The following ZFHX3 variants were observed in gnomAD, a reference collection of about 807,000 sequenced individuals.
The protein encoded by ZFHX3 is zinc finger homeobox protein 3.
ZFHX3 carries 42 observed loss-of-function variants against 279.1 expected under a neutral mutation model. The ratio of observed to expected loss-of-function variants is 0.15; its 90% CI spans 0.12 to 0.19. The LOEUF (loss-of-function observed/expected upper bound fraction) is 0.19. Ranked by LOEUF, ZFHX3 falls within the 10% of genes least tolerant of loss-of-function variation. The pLI is 1.00. For synonymous variants in ZFHX3, 2,293 were observed against 1,957.8 expected (o/e 1.17, Z -4.52); for missense variants, 4,981 against 4,754.0 (o/e 1.05, Z -1.40).
chr16:73,084,514 A>ATTT (rs34134596), intron 8 of ZFHX3, among the ~76,000 whole-genome samples: 36 of 92,644 alleles, frequency 3.9e-4, no homozygotes, highest in African/African-American at 9.7e-4. Context: ...CTAGGACTAA[A>ATTT]TTTTTTTTTT....
At chr16:73,497,659 G>A (rs1219991325) in intron 2 of ZFHX3, among the ~76,000 whole-genome samples, 2 of 152,234 alleles carry the variant, frequency 1.3e-5, no homozygotes, top group African/African-American at 4.8e-5. Flanking sequence ...AACAGAGCAA[G>A]ACCCTGTCTT....
At chr16:73,543,525 G>A (rs1009067063) in intron 2 of ZFHX3, among the ~76,000 whole-genome samples, 1 of 152,110 alleles carries the variant, frequency 6.6e-6, no homozygotes, top group Admixed American at 6.5e-5. Flanking sequence ...TAGCAGCGGG[G>A]AGATGTAAGA....
chr16:72,877,511 G>GC (rs2038344781), intron 4 of ZFHX3, among the ~76,000 whole-genome samples: 1 of 152,152 alleles, frequency 6.6e-6, no homozygotes, highest in Non-Finnish European at 1.5e-5. Context: ...ATCTCAGTTT[G>GC]CCTTAGTCAT....
At chr16:73,819,061 T>C (rs1597130106) in intron 1 of ZFHX3, among the ~76,000 whole-genome samples, 1 of 152,224 alleles carries the variant, frequency 6.6e-6, no homozygotes, top group South Asian at 2.1e-4. Context: ...AACTGGGTGC[T>C]CCTTACGTGG....
intron 1 of ZFHX3, among the ~76,000 whole-genome samples, chr16:73,733,804 G>A (rs888362924): frequency 1.3e-5 from 2 of 152,132 alleles, no homozygotes; most frequent in East Asian, 3.9e-4. Flanking sequence ...TGAAAAATTT[G>A]TATACAAGAA....
At chr16:73,147,013 GA>G (rs1247229465) in intron 5 of ZFHX3, among the ~76,000 whole-genome samples, 1 of 152,178 alleles carries the variant, frequency 6.6e-6, no homozygotes, top group Non-Finnish European at 1.5e-5. Context: ...ATCCTAGGGA[GA>G]AAAGTGAGGT....
At chr16:73,725,850 G>A (rs1164538501) in intron 1 of ZFHX3, among the ~76,000 whole-genome samples, 4 of 152,068 alleles carry the variant, frequency 2.6e-5, no homozygotes, top group African/African-American at 9.7e-5. Flanking sequence ...TGACATGCCT[G>A]GCCCCATATG....
At chr16:73,579,741 A>C (rs1390870166) in intron 2 of ZFHX3, among the ~76,000 whole-genome samples, 1 of 149,824 alleles carries the variant, frequency 6.7e-6, no homozygotes, top group East Asian at 1.9e-4. Context: ...TGACCTCGTG[A>C]TCCACCCGCC....
chr16:72,907,479 C>T (rs2039205135), intron 3 of ZFHX3, among the ~76,000 whole-genome samples: 1 of 151,740 alleles, frequency 6.6e-6, no homozygotes, highest in Non-Finnish European at 1.5e-5. Context: ...CCCACTACTC[C>T]CCTGTACCAC....
At chr16:72,845,020 G>C (rs1298804084) in intron 4 of ZFHX3, among the ~76,000 whole-genome samples, 3 of 152,226 alleles carry the variant, frequency 2.0e-5, no homozygotes, top group Non-Finnish European at 4.4e-5. Flanking sequence ...ATGAATGAGA[G>C]AATGAACAGG....
chr16:73,600,606 G>C (rs1036993206), intron 2 of ZFHX3, among the ~76,000 whole-genome samples: 2 of 151,948 alleles, frequency 1.3e-5, no homozygotes, highest in Non-Finnish European at 2.9e-5. Flanking sequence ...ATTTTTAGTA[G>C]AGACAGGGTT....
intron 2 of ZFHX3, among the ~76,000 whole-genome samples, chr16:73,575,666 T>C (rs1450692308): frequency 6.6e-6 from 1 of 152,172 alleles, no homozygotes; most frequent in Non-Finnish European, 1.5e-5. Flanking sequence ...CTCCTTCTTC[T>C]TCCATCTCTA....
At chr16:73,180,116 A>T (rs1350050813) in intron 5 of ZFHX3, among the ~76,000 whole-genome samples, 1 of 152,218 alleles carries the variant, frequency 6.6e-6, no homozygotes, top group Non-Finnish European at 1.5e-5. Context: ...CAAAGCCTGC[A>T]GGGACTGAGC....
rs1269240806 is a variant in ZFHX3 at position 72,783,038 on chromosome 16, C to T, written c.*4126G>A. The T allele has an allele frequency of 6.6e-6, 1 of 152,400 alleles. No individual in the cohort carries two copies. The highest frequency in any genetic ancestry group is 1.5e-5 in the Non-Finnish European group (1 of 68,002). The allele number at this position is 152,400 out of a possible 1,614,324, so 9.4% of individuals were successfully genotyped here. On this transcript the variant is annotated 3_prime_UTR_variant, in exon 10 of 10. Coordinates refer to ENST00000268489, the MANE Select transcript of ZFHX3 (RefSeq NM_006885.4). ...AATTTTTTTTTCAGTTTGAAAGTTC[C>T]ATGTGGTTCTGTTTGTTAGTCTCCA...
intron 1 of ZFHX3, among the ~76,000 whole-genome samples, chr16:73,847,034 G>A (rs1961467224): frequency 6.6e-6 from 1 of 152,180 alleles, no homozygotes; most frequent in Non-Finnish European, 1.5e-5. Context: ...AGGCACAGTG[G>A]CTCACGCCTG....
chr16:72,963,196 G>A (rs1961668649), intron 1 of ZFHX3, among the ~76,000 whole-genome samples: 1 of 152,102 alleles, frequency 6.6e-6, no homozygotes, highest in Non-Finnish European at 1.5e-5. Context: ...CCTCTCTTCA[G>A]GCTCCCTCCA....
intron 5 of ZFHX3, among the ~76,000 whole-genome samples, chr16:73,249,302 T>G (rs1010279179): frequency 6.6e-6 from 1 of 152,238 alleles, no homozygotes; most frequent in Non-Finnish European, 1.5e-5. Flanking sequence ...TTTCTTGCTA[T>G]TATTAAAGGA....
chr16:72,828,477 A>G (rs1016402856), intron 5 of ZFHX3, among the ~76,000 whole-genome samples: 12 of 152,168 alleles, frequency 7.9e-5, no homozygotes, highest in African/African-American at 1.7e-4. Context: ...TTTTCCAGAA[A>G]TAGCACTTCC....
intron 1 of ZFHX3, among the ~76,000 whole-genome samples, chr16:73,683,980 G>A (rs2053052934): frequency 6.6e-6 from 1 of 152,218 alleles, no homozygotes; most frequent in African/African-American, 2.4e-5. Flanking sequence ...AGCAGTAGCT[G>A]TGTTCCAATA....
Sources: gnomAD v4.1 joint callset for allele counts (sites outside exome capture counted in the v4.1 genomes callset) on GRCh38, gnomAD v4.1.1 for gene constraint, MANE v1.5 for transcripts, NCBI Gene and HGNC (gene_info 2026-07-23, HGNC 2026-07-21) for gene names.